The following USP15 variants were observed in gnomAD, a reference collection of about 807,000 sequenced individuals.
USP15 encodes ubiquitin specific peptidase 15.
USP15 carries 18 observed loss-of-function variants against 127.1 expected under a neutral mutation model. That is an observed-to-expected ratio of 0.14 (90% CI 0.10 to 0.21). The LOEUF is 0.21. Among genes scored for constraint, USP15 ranks in the 10% least tolerant of loss-of-function variants. USP15 has a pLI of 1.00. For missense variants in USP15, 805 were observed against 1,159.9 expected, an observed-to-expected ratio of 0.69 and a Z score of 4.44; for synonymous variants, 364 against 393.7, an observed-to-expected ratio of 0.92 and a Z score of 0.89.
chr12:62,332,150 C>T (rs1341916328), intron 6 of USP15, among the ~76,000 whole-genome samples: 1 of 146,556 alleles, frequency 6.8e-6, no homozygotes, highest in Non-Finnish European at 1.5e-5. Context: ...GGTAGCAGAG[C>T]AAGACTCTGT....
In USP15 at chr12:62,358,496, C is replaced by G. The variant is rs568823106; in HGVS notation, c.915+3021C>G. ...TTGGGAGGCCAAGGCGAGTGGATCA[C>G]CTGAAGTCAGGAGTTTGAGACCAGC... On this transcript the variant is annotated intron_variant, in intron 8 of 21. Coordinates refer to ENST00000280377, the MANE Select transcript of USP15 (RefSeq NM_001252078.2). Among the ~76,000 whole-genome samples the G allele has an allele frequency of 3.3e-5, 5 of 152,238 alleles. No homozygotes were observed. The South Asian group carries it at 1.0e-3, about 32-fold the overall frequency.
intron 8 of USP15, among the ~76,000 whole-genome samples, chr12:62,379,933 TGA>T (rs1265005335): frequency 6.6e-6 from 1 of 152,052 alleles, no homozygotes; most frequent in East Asian, 1.9e-4. Context: ...TATAAGATTA[TGA>T]GAGAGGTTGA....
chr12:62,346,706 T>C (rs1301400724), intron 6 of USP15, among the ~76,000 whole-genome samples: 1 of 152,226 alleles, frequency 6.6e-6, no homozygotes, highest in African/African-American at 2.4e-5. Flanking sequence ...ATTTTGTTGA[T>C]ACACTATTAA....
chr12:62,384,292 A>T lies in USP15; in HGVS notation c.1463A>T (p.Lys488Ile). ...VYLVRMDPLTKPMQYKVVVPK... is the reference protein window; with the variant it reads ...VYLVRMDPLTIPMQYKVVVPK... Reference sequence around the variant, plus strand: ...TTAGTTAGAATGGATCCACTTACCAAACCTATGCAGGTAAATCATGGGTTG... The same window carrying T: ...TTAGTTAGAATGGATCCACTTACCATACCTATGCAGGTAAATCATGGGTTG... The change falls in exon 11 of 22, where the codon AAA becomes ATA. Residue 488 changes from lysine (K) to isoleucine (I), a missense_variant. Coordinates refer to ENST00000280377, the MANE Select transcript of USP15 (RefSeq NM_001252078.2). 6.2e-7 allele frequency: 1 copy of T among 1,603,880 alleles called. No individual in the cohort carries two copies. Among genetic ancestry groups the T allele is most frequent in the African/African-American group, 1.3e-5 (1 of 74,318 alleles).
chr12:62,298,830 CAAAAAAAAAA>C (rs1163091790), intron 2 of USP15, among the ~76,000 whole-genome samples: 7 of 65,046 alleles, frequency 1.1e-4, no homozygotes, highest in East Asian at 1.0e-3. Context: ...CCCTGTCTTG[CAAAAAAAAAA>C]AAAAAAAAAA....
intron 1 of USP15, among the ~76,000 whole-genome samples, chr12:62,269,347 A>AAT (rs145611683): frequency 1.3e-5 from 2 of 151,564 alleles, no homozygotes; most frequent in Non-Finnish European, 2.9e-5. Flanking sequence ...TGTGTGTATA[A>AAT]ATATATATAT....
intron 1 of USP15, among the ~76,000 whole-genome samples, chr12:62,270,336 T>A (rs1486457270): frequency 6.6e-6 from 1 of 152,150 alleles, no homozygotes; most frequent in African/African-American, 2.4e-5. Flanking sequence ...CTTGGTAGTG[T>A]CCACTGAAAC....
chr12:62,350,230 A>G (rs1364540133), intron 7 of USP15, among the ~76,000 whole-genome samples: 1 of 152,008 alleles, frequency 6.6e-6, no homozygotes, highest in Non-Finnish European at 1.5e-5. Flanking sequence ...GACTAAAGCT[A>G]TTTGTGAAAT....
intron 6 of USP15, among the ~76,000 whole-genome samples, chr12:62,337,443 T>C: frequency 6.6e-6 from 1 of 152,186 alleles, no homozygotes; most frequent in African/African-American, 2.4e-5. Flanking sequence ...ACTCCCGTTT[T>C]GTTTTGTTTT....
In USP15 at chr12:62,389,946, A is replaced by G. The variant is rs1334667398; in HGVS notation, c.1802A>G (p.Asn601Ser). The G allele has an allele frequency of 3.7e-6, 6 of 1,612,796 alleles. No homozygotes were observed. The highest frequency in any genetic ancestry group is 3.4e-6 in the Non-Finnish European group (4 of 1,179,358). The change falls in exon 14 of 22, where the codon AAT (asparagine) becomes AGT (serine). Residue 601 changes from asparagine to serine, a missense_variant. Transcript: ENST00000280377. ...TTTCTTATGGCTGTACCACGAAACAATACTGAAGACAAACTTTATAATCTC... is the reference window on the plus strand; with the variant it reads ...TTTCTTATGGCTGTACCACGAAACAGTACTGAAGACAAACTTTATAATCTC... ...QPFLMAVPRN[N>S]TEDKLYNLLL...
At position 62,337,390 on chromosome 12, in the gene USP15, A is replaced by C. The variant is rs527957189; in HGVS notation, c.683+11457A>C. Among the ~76,000 whole-genome samples the C allele has an allele frequency of 3.0e-4, 45 of 152,318 alleles. 1 individual carries two copies. The highest frequency in any genetic ancestry group is 1.2e-3 in the Admixed American group (18 of 15,290). ...AGCGAGGCCTCACAATCATGGTGGAAGGCAAGGAGGAGCAAGTCACGTCTC... is the reference window on the plus strand; with the variant it reads ...AGCGAGGCCTCACAATCATGGTGGACGGCAAGGAGGAGCAAGTCACGTCTC... On this transcript the variant is annotated intron_variant, in intron 6 of 21. Coordinates refer to ENST00000280377, the MANE Select transcript of USP15 (RefSeq NM_001252078.2).
At chr12:62,268,851 C>T (rs1008358381) in intron 1 of USP15, among the ~76,000 whole-genome samples, 7 of 152,090 alleles carry the variant, frequency 4.6e-5, no homozygotes, top group African/African-American at 1.7e-4. Flanking sequence ...TGACCATAAT[C>T]AATTTTGGAA....
At chr12:62,305,733 T>C (rs1192289851) in intron 3 of USP15, 1 of 152,182 alleles carries the variant, frequency 6.6e-6, no homozygotes, top group African/African-American at 2.4e-5. Flanking sequence ...TAAGATAATA[T>C]TCTCTACTAT....
intron 19 of USP15, among the ~76,000 whole-genome samples, chr12:62,394,417 A>G (rs984632794): frequency 9.9e-5 from 15 of 152,228 alleles, no homozygotes; most frequent in African/African-American, 3.6e-4. Flanking sequence ...TCACTGGATT[A>G]CTCATTCTAA....
chr12:62,326,717 A>T (rs1375067020), intron 6 of USP15, among the ~76,000 whole-genome samples: 5 of 152,238 alleles, frequency 3.3e-5, no homozygotes, highest in Non-Finnish European at 7.3e-5. Context: ...ACATGTTCTG[A>T]TAAGGGATTG....
intron 1 of USP15, among the ~76,000 whole-genome samples, chr12:62,290,635 T>C (rs1460099943): frequency 1.3e-5 from 2 of 152,236 alleles, no homozygotes; most frequent in Non-Finnish European, 2.9e-5. Context: ...TGTGAGGTTT[T>C]ATTCCTGTAG....
rs2137682838 is a variant in USP15, at chr12:62,404,404, A to C, written c.*29A>C. ...AAGTCCTAGAAGCCATAAAAGAGAC[A>C]CTTTCCTGCTGGTGGTATCTATGGA... On this transcript the variant is annotated 3_prime_UTR_variant, in exon 22 of 22. Transcript: ENST00000280377. 1 of 1,535,944 alleles carries C rather than the reference A, an allele frequency of 6.5e-7. No homozygotes were observed. Among genetic ancestry groups the C allele is most frequent in the Middle Eastern group, 1.7e-4 (1 of 5,726 alleles).
intron 1 of USP15, among the ~76,000 whole-genome samples, chr12:62,286,249 A>T (rs569334690): frequency 6.6e-6 from 1 of 152,244 alleles, no homozygotes; most frequent in African/African-American, 2.4e-5. Context: ...CAAAGAACAC[A>T]TACAGACAGC....
At position 62,391,861 on chromosome 12, in the gene USP15, G is replaced by A; in HGVS notation, c.2279G>A (p.Arg760Lys). 1 of 1,609,844 alleles carries A rather than the reference G, an allele frequency of 6.2e-7. No homozygotes were observed. Among genetic ancestry groups the A allele is most frequent in the Non-Finnish European group, 8.5e-7 (1 of 1,177,834 alleles). ...ALDWDPDLKK[R>K]YFDENAAEDF... Reference sequence around the variant, plus strand: ...GATTGGGATCCTGATTTGAAAAAAAGATATTTTGATGAAAATGCTGCTGAG... The same window carrying A: ...GATTGGGATCCTGATTTGAAAAAAAAATATTTTGATGAAAATGCTGCTGAG... Residue 760 changes from arginine to lysine, a missense_variant, in exon 17 of 22, where the codon AGA becomes AAA. Physicochemically the swap from Arg to Lys is conservative, Grantham distance 26. Transcript: ENST00000280377.
Sources: allele counts gnomAD v4.1 joint callset (sites outside exome capture counted in the v4.1 genomes callset), GRCh38; gene constraint gnomAD v4.1.1; transcripts MANE v1.5; gene names NCBI Gene and HGNC (gene_info 2026-07-23, HGNC 2026-07-21).